Variants in FOXN3 observed in about 807,000 individuals in gnomAD.
FOXN3 encodes the protein forkhead box N3.
Under a neutral mutation model 38.4 loss-of-function variants are expected in FOXN3, and 7 were observed. The ratio of observed to expected loss-of-function variants is 0.18; its 90% confidence interval spans 0.10 to 0.34. The LOEUF (loss-of-function observed/expected upper bound fraction) is 0.34, where lower values mean the gene tolerates loss of function less well. FOXN3 is among the 10% of genes least tolerant of loss of function. FOXN3 has a pLI of 1.00. For synonymous variants in FOXN3, 230 were observed against 242.2 expected, an observed-to-expected ratio of 0.95 and a Z score of 0.47; for missense variants, 456 against 613.4, an observed-to-expected ratio of 0.74 and a Z score of 2.71.
intron 1 of FOXN3, among the ~76,000 whole-genome samples, chr14:89,463,087 G>A (rs1374986496): frequency 1.6e-4 from 24 of 149,290 alleles, no homozygotes; most frequent in Non-Finnish European, 3.1e-4. Context: ...TCAGGAGATT[G>A]AGAAGATCTG....
At chr14:89,541,054 C>A (rs1596312003) in intron 1 of FOXN3, among the ~76,000 whole-genome samples, 1 of 152,028 alleles carries the variant, frequency 6.6e-6, no homozygotes, top group African/African-American at 2.4e-5. Context: ...AGATTCTTAC[C>A]GATTTTGATT....
At chr14:89,510,778 C>G (rs192897295) in intron 1 of FOXN3, among the ~76,000 whole-genome samples, 2 of 152,228 alleles carry the variant, frequency 1.3e-5, no homozygotes, top group East Asian at 3.9e-4. Context: ...ACCGGCCCTA[C>G]TAAAAATACA....
chr14:89,538,591 T>A (rs960996143), intron 1 of FOXN3, among the ~76,000 whole-genome samples: 14 of 152,218 alleles, frequency 9.2e-5, no homozygotes, highest in Non-Finnish European at 1.3e-4. Context: ...CGATCTTGGC[T>A]CACCACAACC....
chr14:89,292,821 C>T (rs1431213192), intron 3 of FOXN3, among the ~76,000 whole-genome samples: 2 of 152,206 alleles, frequency 1.3e-5, no homozygotes, highest in Non-Finnish European at 2.9e-5. Flanking sequence ...CTTGATGTCA[C>T]TCCAGCCTCT....
At chr14:89,198,913 GTCTT>G (rs1301433595) in intron 4 of FOXN3, among the ~76,000 whole-genome samples, 1 of 152,182 alleles carries the variant, frequency 6.6e-6, no homozygotes, top group Non-Finnish European at 1.5e-5. Flanking sequence ...TGTTGTTGAC[GTCTT>G]TCTTTTCCTC....
At position 89,159,887 on chromosome 14, in the gene FOXN3, A is replaced by C. The variant is rs1377159256; in HGVS notation, c.*2527T>G. The C allele has an allele frequency of 6.6e-6, 1 of 152,230 alleles. No individual in the cohort carries two copies. The highest frequency in any genetic ancestry group is 1.5e-5 in the Non-Finnish European group (1 of 68,054). 9.4% of individuals were successfully genotyped at this position (152,230 alleles called of 1,614,324 possible). On this transcript the variant is annotated 3_prime_UTR_variant, in exon 6 of 6. Coordinates refer to ENST00000557258, the MANE Select transcript of FOXN3 (RefSeq NM_005197.4). The stretch of plus-strand genomic sequence containing the variant: ...CACCCTGAATAAATATGCTGGAAGT[A>C]TTCAGCTTCAGGTCATGAATTCGAC...
intron 1 of FOXN3, among the ~76,000 whole-genome samples, chr14:89,443,413 G>A (rs1452807175): frequency 2.0e-5 from 3 of 152,140 alleles, no homozygotes; most frequent in Non-Finnish European, 4.4e-5. Context: ...TCCAGGACAT[G>A]GGACTTCAGT....
At position 89,612,015 on chromosome 14, in the gene FOXN3, G is replaced by A. The variant is rs936713362; in HGVS notation, c.-15+7013C>T. Among the ~76,000 whole-genome samples the A allele has an allele frequency of 2.0e-5, 3 of 151,866 alleles. No individual in the cohort carries two copies. The East Asian group carries it at 5.8e-4, about 29-fold the overall frequency. On this transcript the variant is annotated intron_variant, in intron 1 of 6. Transcript: ENST00000345097. ...GTGGAAGGGGAAGTCTTCAACCCTG[G>A]GATAGAAACAGTCAGAGGAGCAGTT...
chr14:89,597,770 G>C (rs1361366416), intron 1 of FOXN3, among the ~76,000 whole-genome samples: 1 of 152,008 alleles, frequency 6.6e-6, no homozygotes, highest in Non-Finnish European at 1.5e-5. Context: ...TCTTTTGCAT[G>C]GTATATCTTG....
intron 1 of FOXN3, among the ~76,000 whole-genome samples, chr14:89,534,100 CTTTTTTTTT>C (rs79800046): frequency 0.19 from 21,390 of 114,060 alleles, 1,864 homozygotes; most frequent in Middle Eastern, 0.27. Flanking sequence ...ATTATACATT[CTTTTTTTTT>C]TTTTTTTTTT....
At chr14:89,166,904 C>T (rs1436252414) in intron 5 of FOXN3, among the ~76,000 whole-genome samples, 2 of 152,312 alleles carry the variant, frequency 1.3e-5, no homozygotes, top group East Asian at 3.9e-4. Flanking sequence ...CATTACAGGA[C>T]AACAAATGCT....
intron 1 of FOXN3, among the ~76,000 whole-genome samples, chr14:89,520,040 G>T (rs1404081042): frequency 1.3e-5 from 2 of 148,964 alleles, no homozygotes; most frequent in Non-Finnish European, 3.0e-5. Flanking sequence ...TTGAGACAGG[G>T]TCTTGCTCTG....
chr14:89,542,411 G>A (rs1373118497), intron 1 of FOXN3, among the ~76,000 whole-genome samples: 1 of 152,124 alleles, frequency 6.6e-6, no homozygotes, highest in African/African-American at 2.4e-5. Context: ...GCAAATCTCA[G>A]CCTCATTTTC....
At chr14:89,196,967 C>T (rs1168813347) in intron 4 of FOXN3, among the ~76,000 whole-genome samples, 1 of 152,168 alleles carries the variant, frequency 6.6e-6, no homozygotes, top group East Asian at 1.9e-4. Context: ...CCTAACAAAA[C>T]AATGACAATG....
chr14:89,186,233 T>TA (rs1887804101), intron 4 of FOXN3, among the ~76,000 whole-genome samples: 3 of 152,154 alleles, frequency 2.0e-5, no homozygotes, highest in African/African-American at 7.2e-5. Context: ...TTGTCTTCCC[T>TA]CTGCTGTGCC....
At chr14:89,190,570 G>C in intron 4 of FOXN3, 1 of 704,212 alleles carries the variant, frequency 1.4e-6, no homozygotes, top group East Asian at 2.9e-5. Context: ...CCAGCAACTG[G>C]ATGAGCTATC....
At chr14:89,420,449 C>T (rs76099142), upstream of FOXN3, among the ~76,000 whole-genome samples, 563 of 152,262 alleles carry the variant, frequency 3.7e-3, 21 homozygotes, top group East Asian at 0.088. Context: ...TGTTCTTGAC[C>T]TGAGCTTCTC....
chr14:89,162,252 G>A lies in FOXN3; in HGVS notation c.*162C>T, dbSNP rs1887122812. The stretch of plus-strand genomic sequence containing the variant: ...CTTAAGGGTCCAAAACAAAGAAGAG[G>A]GGGCAAATTAAAACAAAATAAAAGG... On this transcript the variant is annotated 3_prime_UTR_variant, in exon 6 of 6. Coordinates refer to ENST00000557258, the MANE Select transcript of FOXN3 (RefSeq NM_005197.4). The surrounding 1 kb of genome is among the most constrained non-coding windows in gnomAD (Gnocchi z 7.2). The A allele has an allele frequency of 3.5e-6, 2 of 577,016 alleles. No homozygotes were observed. The highest frequency in any genetic ancestry group is 5.8e-5 in the South Asian group (2 of 34,464). The allele number at this position is 577,016 out of a possible 1,614,324, so 35.7% of individuals were successfully genotyped here.
At chr14:89,304,944 T>TA (rs200830937) in intron 3 of FOXN3, among the ~76,000 whole-genome samples, 5,357 of 133,546 alleles carry the variant, frequency 0.04, 292 homozygotes, top group African/African-American at 0.12. Context: ...TGTAGTTTCT[T>TA]AAAAAAAAAA....
Sources: gnomAD v4.1 joint callset for allele counts (sites outside exome capture counted in the v4.1 genomes callset) on GRCh38, gnomAD v4.1.1 for gene constraint, Gnocchi (gnomAD v3.1) non-coding constraint, MANE v1.5 for transcripts, NCBI Gene and HGNC (gene_info 2026-07-23, HGNC 2026-07-21) for gene names.